Variants in FBXL17 observed in about 807,000 individuals in gnomAD.
FBXL17 encodes the protein F-box and leucine rich repeat protein 17.
Under a neutral mutation model 66.2 loss-of-function variants are expected in FBXL17, and 22 were observed. The ratio of observed to expected loss-of-function variants is 0.33; its 90% CI spans 0.24 to 0.47. The LOEUF is 0.47. Ranked by LOEUF, FBXL17 falls within the 20% of genes least tolerant of loss-of-function variation. The pLI is 1.00. For synonymous variants in FBXL17, 474 were observed against 400.5 expected (o/e 1.18, Z -2.19); for missense variants, 878 against 948.2 (o/e 0.93, Z 0.97).
At chr5:107,961,221 T>C (rs558629829) in intron 7 of FBXL17, among the ~76,000 whole-genome samples, 77 of 152,072 alleles carry the variant, frequency 5.1e-4, no homozygotes, top group African/African-American at 1.8e-3. Context: ...TTTCTTTTTT[T>C]GGGGGGTTTT....
intron 4 of FBXL17, among the ~76,000 whole-genome samples, chr5:108,275,747 T>C (rs554325645): frequency 6.6e-6 from 1 of 152,302 alleles, no homozygotes; most frequent in South Asian, 2.1e-4. Context: ...CACTAAGCAA[T>C]GGACAGAGCC....
At chr5:108,243,741 A>C (rs1259356426) in intron 4 of FBXL17, among the ~76,000 whole-genome samples, 1 of 152,212 alleles carries the variant, frequency 6.6e-6, no homozygotes, top group East Asian at 1.9e-4. Flanking sequence ...AGTATTACTG[A>C]AGGCTAAATT....
At chr5:108,081,292 T>A (rs946901222) in intron 6 of FBXL17, among the ~76,000 whole-genome samples, 1 of 152,174 alleles carries the variant, frequency 6.6e-6, no homozygotes, top group Non-Finnish European at 1.5e-5. Flanking sequence ...TACTTTGGAA[T>A]CTCCTTGGCG....
intron 7 of FBXL17, among the ~76,000 whole-genome samples, chr5:107,951,679 T>C (rs762441783): frequency 1.3e-5 from 2 of 152,234 alleles, no homozygotes; most frequent in African/African-American, 2.4e-5. Context: ...TCTACTAGCC[T>C]AGGTAATCCC....
chr5:107,995,812 A>T lies in FBXL17; in HGVS notation c.1822+25113T>A, dbSNP rs991539904. Among the ~76,000 whole-genome samples, 22 of 152,314 alleles carry T rather than the reference A, an allele frequency of 1.4e-4. No homozygotes were observed. In the East Asian group the frequency reaches 3.5e-3, roughly 24 times the overall value. On this transcript the variant is annotated intron_variant, in intron 7 of 8. Transcript: ENST00000542267. ...TTCTGTGAAACCTAATAAAAAGCAC[A>T]AAGCTGTTATTCTAAAAGAAGGTGA...
chr5:108,298,108 T>C (rs748812405), intron 4 of FBXL17: 48 of 961,984 alleles, frequency 5.0e-5, no homozygotes, highest in Non-Finnish European at 5.7e-5. Context: ...TATACAATTT[T>C]AATTTACTAT....
intron 7 of FBXL17, among the ~76,000 whole-genome samples, chr5:107,971,398 C>T (rs753245243): frequency 2.6e-5 from 4 of 152,148 alleles, no homozygotes; most frequent in Non-Finnish European, 4.4e-5. Context: ...TTTTTCAAGG[C>T]GCACTGCCAC....
At chr5:107,891,543 T>C (rs985273757) in intron 7 of FBXL17, among the ~76,000 whole-genome samples, 2 of 151,924 alleles carry the variant, frequency 1.3e-5, no homozygotes, top group Admixed American at 6.6e-5. Flanking sequence ...ATAATAGAGA[T>C]GGAGAGAAGG....
intron 4 of FBXL17, 100 bp downstream of exon 4, chr5:108,348,299 C>A (rs1243926556): frequency 7.3e-6 from 8 of 1,089,480 alleles, no homozygotes; most frequent in Non-Finnish European, 9.0e-6. Context: ...AGTATTTGAA[C>A]CATCACAAGA....
intron 3 of FBXL17, among the ~76,000 whole-genome samples, chr5:108,360,906 C>T (rs1196253781): frequency 6.6e-6 from 1 of 152,104 alleles, no homozygotes; most frequent in Admixed American, 6.6e-5. Context: ...CTTCTTAGCT[C>T]CAGAATTTCT....
chr5:108,202,086 C>G (rs1480371158), intron 5 of FBXL17, among the ~76,000 whole-genome samples: 1 of 152,056 alleles, frequency 6.6e-6, no homozygotes, highest in African/African-American at 2.4e-5. Flanking sequence ...CCAAGAAAGG[C>G]TCTTTCAAAA....
intron 6 of FBXL17, among the ~76,000 whole-genome samples, chr5:108,090,417 C>T (rs2149929214): frequency 6.6e-6 from 1 of 152,268 alleles, no homozygotes; most frequent in Non-Finnish European, 1.5e-5. Flanking sequence ...CTGGCTTCAG[C>T]ATTTAATGGT....
chr5:108,254,181 C>G (rs1459378363), intron 4 of FBXL17, among the ~76,000 whole-genome samples: 1 of 152,066 alleles, frequency 6.6e-6, no homozygotes, highest in Non-Finnish European at 1.5e-5. Context: ...ACTAAAGAAA[C>G]TTACTGGTAA....
chr5:108,144,658 T>C (rs1427019035), intron 6 of FBXL17, among the ~76,000 whole-genome samples: 1 of 152,164 alleles, frequency 6.6e-6, no homozygotes, highest in African/African-American at 2.4e-5. Context: ...TTTTAAACTA[T>C]TTCATAAACA....
At chr5:108,249,178 G>A (rs1286192938) in intron 4 of FBXL17, among the ~76,000 whole-genome samples, 1 of 151,926 alleles carries the variant, frequency 6.6e-6, no homozygotes, top group Non-Finnish European at 1.5e-5. Context: ...CAGAAAATGG[G>A]TACACTAATC....
intron 4 of FBXL17, among the ~76,000 whole-genome samples, chr5:108,336,944 A>G (rs2966834): frequency 0.16 from 24,995 of 152,118 alleles, 2,189 homozygotes; most frequent in South Asian, 0.33. Flanking sequence ...GTGATTTTAA[A>G]AGAAACTCTT....
At chr5:107,917,700 C>T (rs1048370541) in intron 7 of FBXL17, among the ~76,000 whole-genome samples, 1 of 152,172 alleles carries the variant, frequency 6.6e-6, no homozygotes, top group Non-Finnish European at 1.5e-5. Context: ...GATTTAAAAG[C>T]TTGGCTTTCA....
chr5:108,175,592 T>A (rs190781789), intron 6 of FBXL17, among the ~76,000 whole-genome samples: 1 of 152,216 alleles, frequency 6.6e-6, no homozygotes, highest in African/African-American at 2.4e-5. Flanking sequence ...ACATAAAACC[T>A]TTCCATTTTC....
chr5:108,247,779 T>TTTAC (rs1756170332), intron 4 of FBXL17, among the ~76,000 whole-genome samples: 1 of 152,200 alleles, frequency 6.6e-6, no homozygotes, highest in South Asian at 2.1e-4. Context: ...ATCATTCATC[T>TTTAC]ACATGATACT....
Sources: gnomAD v4.1 joint callset for allele counts (sites outside exome capture counted in the v4.1 genomes callset) on GRCh38, gnomAD v4.1.1 for gene constraint, MANE v1.5 for transcripts, NCBI Gene and HGNC (gene_info 2026-07-23, HGNC 2026-07-21) for gene names.